Variants in ODAD2 observed in about 807,000 individuals in gnomAD.
ODAD2 encodes outer dynein arm docking complex subunit 2, also known as outer dynein arm-docking complex subunit 2.
Under a neutral mutation model 106.8 loss-of-function variants are expected in ODAD2, and 89 were observed. The observed-to-expected ratio is 0.83, with a 90% CI of 0.70 to 0.99. The LOEUF (loss-of-function observed/expected upper bound fraction) is 0.99. Ranked by LOEUF, ODAD2 falls within the 50% of genes least tolerant of loss-of-function variation. ODAD2 has a pLI of 0.00. For missense variants in ODAD2, 1,168 were observed against 1,238.5 expected (o/e 0.94, Z 0.85); for synonymous variants, 404 against 436.2 (o/e 0.93, Z 0.92).
At chr10:27,940,866 T>A in intron 12 of ODAD2, 61 bp from the exon 13 acceptor site, 2 of 1,531,948 alleles carry the variant, frequency 1.3e-6, no homozygotes, top group South Asian at 2.4e-5. Flanking sequence ...TAAGGCATTC[T>A]TCAATAGCTA....
intron 12 of ODAD2, among the ~76,000 whole-genome samples, chr10:27,942,806 G>A (rs1970631): frequency 0.53 from 81,179 of 151,948 alleles, 21,864 homozygotes; most frequent in Middle Eastern, 0.65. Flanking sequence ...TGCCACATTC[G>A]TTTTATTACA....
At chr10:27,974,431 C>T (rs940203032) in intron 7 of ODAD2, among the ~76,000 whole-genome samples, 9 of 152,200 alleles carry the variant, frequency 5.9e-5, no homozygotes, top group African/African-American at 2.2e-4. Context: ...GGTCCAGTTT[C>T]AATCTTCTGC....
At chr10:27,922,655 C>A (rs1211887115) in intron 16 of ODAD2, among the ~76,000 whole-genome samples, 1 of 152,100 alleles carries the variant, frequency 6.6e-6, no homozygotes, top group Non-Finnish European at 1.5e-5. Context: ...CCTGTAATCC[C>A]AGCACTTTGG....
In ODAD2 at chr10:27,936,837, C is replaced by G. The variant is rs759408434; in HGVS notation, c.2141G>C (p.Gly714Ala). 16 of 1,613,754 alleles carry G rather than the reference C, an allele frequency of 9.9e-6. No homozygotes were observed. The African/African-American group carries it at 2.1e-4, about 22-fold the overall frequency. Residue 714 changes from glycine (G) to alanine (A), a missense_variant, in exon 15 of 20, where the codon GGA becomes GCA. Gly to Ala is a moderately conservative substitution (Grantham distance 60, BLOSUM62 0). Around this residue, in one of 3 missense-constraint regions of ODAD2, gnomAD observed 701 missense variants for 712.3 expected, o/e 0.98. Transcript: ENST00000305242. The stretch of plus-strand genomic sequence containing the variant: ...TAGACTGGCCAAGGGCTTAAGTCCT[C>G]CGTGCAGCCTAACGAGGTCCCGGGT... ...KETRDLVRLH[G>A]GLKPLASLLN...
chr10:27,999,318 T>A (rs1850741678), upstream of ODAD2, among the ~76,000 whole-genome samples: 1 of 152,102 alleles, frequency 6.6e-6, no homozygotes, highest in African/African-American at 2.4e-5. Context: ...AAATATTCCT[T>A]AGAAACCCCT....
chr10:27,896,230 A>C (rs1485504321), intron 17 of ODAD2, among the ~76,000 whole-genome samples: 2 of 152,226 alleles, frequency 1.3e-5, no homozygotes, highest in Non-Finnish European at 2.9e-5. Flanking sequence ...TAATTCAATA[A>C]ATGGAAATAT....
chr10:27,865,632 T>C (rs1184738369), intron 17 of ODAD2, among the ~76,000 whole-genome samples: 1 of 152,260 alleles, frequency 6.6e-6, no homozygotes, highest in African/African-American at 2.4e-5. Flanking sequence ...GTGAGGACTC[T>C]TGCTGTCTCA....
intron 17 of ODAD2, among the ~76,000 whole-genome samples, chr10:27,890,572 T>C (rs1159103353): frequency 6.6e-6 from 1 of 152,054 alleles, no homozygotes; most frequent in Non-Finnish European, 1.5e-5. Flanking sequence ...CTTTGTAGAC[T>C]AGCAGCCTCT....
intron 19 of ODAD2, among the ~76,000 whole-genome samples, chr10:27,821,443 A>T (rs2132866403): frequency 6.6e-6 from 1 of 152,298 alleles, no homozygotes; most frequent in South Asian, 2.1e-4. Context: ...CTTGGTTTTG[A>T]ATTGGGCTCA....
chr10:27,877,838 T>C (rs971996625), intron 17 of ODAD2, among the ~76,000 whole-genome samples: 8 of 152,216 alleles, frequency 5.3e-5, no homozygotes, highest in Non-Finnish European at 1.5e-5. Context: ...TTTTGCAATT[T>C]ATAAAGGACT....
intron 16 of ODAD2, among the ~76,000 whole-genome samples, chr10:27,929,604 G>GT (rs1159334815): frequency 1.3e-5 from 2 of 152,140 alleles, no homozygotes; most frequent in African/African-American, 4.8e-5. Context: ...TCATCAAGTA[G>GT]TTTTTTCAGG....
At chr10:27,993,959 A>AATAT (rs33977457) in intron 2 of ODAD2, among the ~76,000 whole-genome samples, 4,795 of 129,298 alleles carry the variant, frequency 0.037, 125 homozygotes, top group East Asian at 0.056. Context: ...GAGGCTGGCA[A>AATAT]ATATATATAT....
intron 17 of ODAD2, chr10:27,904,315 G>A (rs1006778278): frequency 7.3e-5 from 25 of 343,450 alleles, no homozygotes; most frequent in African/African-American, 1.5e-4. Context: ...GTGTATGCGC[G>A]GGGAACATGG....
chr10:27,820,416 A>C (rs1836508805), intron 19 of ODAD2, among the ~76,000 whole-genome samples: 1 of 151,828 alleles, frequency 6.6e-6, no homozygotes. Flanking sequence ...AAACCAATGG[A>C]CTGTGAGTGT....
At chr10:27,913,378 C>A (rs553732923) in intron 16 of ODAD2, among the ~76,000 whole-genome samples, 1 of 151,956 alleles carries the variant, frequency 6.6e-6, no homozygotes, top group South Asian at 2.1e-4. Flanking sequence ...TGAGAACATG[C>A]GGTATTTGGT....
intron 17 of ODAD2, among the ~76,000 whole-genome samples, chr10:27,892,807 T>C (rs993464467): frequency 6.6e-6 from 1 of 152,240 alleles, no homozygotes; most frequent in African/African-American, 2.4e-5. Flanking sequence ...GCTACTTCGT[T>C]GCCTGGCTCA....
At chr10:27,831,816 T>C (rs12355413) in intron 19 of ODAD2, among the ~76,000 whole-genome samples, 108,440 of 152,202 alleles carry the variant, frequency 0.71, 38,767 homozygotes, top group Admixed American at 0.75. Flanking sequence ...GCAGTTGTTC[T>C]ACTCAATGGA....
chr10:27,894,335 C>T (rs1016370826), intron 17 of ODAD2, among the ~76,000 whole-genome samples: 1 of 151,898 alleles, frequency 6.6e-6, no homozygotes, highest in Non-Finnish European at 1.5e-5. Flanking sequence ...TCCAAGTACA[C>T]ATAACCTCCA....
At chr10:27,992,123 C>T (rs567071259) in intron 2 of ODAD2, among the ~76,000 whole-genome samples, 55 of 152,232 alleles carry the variant, frequency 3.6e-4, no homozygotes, top group African/African-American at 1.3e-3. Flanking sequence ...TCCATTATGA[C>T]CAAAATCTCA....
Sources: gnomAD v4.1 joint callset for allele counts (sites outside exome capture counted in the v4.1 genomes callset) on GRCh38, gnomAD v4.1.1 for gene constraint, gnomAD v4.1.1 regional missense constraint, MANE v1.5 for transcripts, NCBI Gene and HGNC (gene_info 2026-07-23, HGNC 2026-07-21) for gene names.